The following LY75 variants were observed in gnomAD, a reference collection of about 807,000 sequenced individuals.
LY75 encodes C-type lectin domain family 13 member B.
In LY75, 185 loss-of-function variants were observed where a neutral mutation model predicts 231.7. The ratio of observed to expected loss-of-function variants is 0.80; its 90% CI spans 0.71 to 0.90. The LOEUF (loss-of-function observed/expected upper bound fraction) is 0.90, where lower values mean the gene tolerates loss of function less well. Among genes scored for constraint, LY75 ranks in the 40% least tolerant of loss-of-function variants. The pLI is 0.00. For synonymous variants in LY75, 668 were observed against 689.0 expected, an observed-to-expected ratio of 0.97 and a Z score of 0.48; for missense variants, 1,947 against 2,050.2, an observed-to-expected ratio of 0.95 and a Z score of 0.97.
chr2:159,878,807 C>T (rs539499527), intron 9 of LY75, 86 bp from the exon 10 acceptor site: 205 of 1,418,366 alleles, frequency 1.4e-4, no homozygotes, highest in Middle Eastern at 5.6e-4. Context: ...ACATTGATAA[C>T]GTCTTAGAAC....
Position 159,835,631 on chromosome 2 carries a change from A to G in LY75, c.3522T>C (p.Phe1174=), listed in dbSNP as rs752886198. The stretch of plus-strand genomic sequence containing the variant: ...GAAGACGTTTCCCATCTGACCAACC[A>G]AAGTTGAGTTCATCCTGTAAGGAGC... The part of the protein sequence containing the change: ...GLFSQDDELN[F]GWSDGKRLHF... Residue 1174 remains phenylalanine (F), a synonymous_variant, in exon 26 of 35, where the codon TTT becomes TTC. Coordinates refer to ENST00000263636, the MANE Select transcript of LY75 (RefSeq NM_002349.4). 7 of 1,613,574 alleles carry G rather than the reference A, an allele frequency of 4.3e-6. No homozygotes were observed. The highest frequency in any genetic ancestry group is 5.9e-6 in the Non-Finnish European group (7 of 1,179,768).
chr2:159,878,505 G>A lies in LY75; in HGVS notation c.1605-12C>T, dbSNP rs1560096767. On this transcript the variant is annotated splice_polypyrimidine_tract_variant and intron_variant, in intron 10 of 34. Transcript: ENST00000263636. ...ATTCTTGCTCAAATCTACAAAAGGAGAATCAAATTGGCAAGTGTTTCACAA... is the reference window on the plus strand; with the variant it reads ...ATTCTTGCTCAAATCTACAAAAGGAAAATCAAATTGGCAAGTGTTTCACAA... 4 of 1,613,182 alleles carry A rather than the reference G, an allele frequency of 2.5e-6. No individual in the cohort carries two copies. The Admixed American group carries it at 5.0e-5, about 20-fold the overall frequency.
At chr2:159,853,573 G>A (rs1684466560) in intron 19 of LY75, 57 bp downstream of exon 19, 3 of 1,607,988 alleles carry the variant, frequency 1.9e-6, no homozygotes, top group African/African-American at 2.7e-5. Flanking sequence ...TTTAGTAAAA[G>A]GAACTGCTTC....
chr2:159,865,853 A>G (rs1452313090), intron 13 of LY75, among the ~76,000 whole-genome samples: 1 of 152,178 alleles, frequency 6.6e-6, no homozygotes, highest in African/African-American at 2.4e-5. Flanking sequence ...AGGCAGGAAC[A>G]TATGTCTAAG....
intron 13 of LY75, among the ~76,000 whole-genome samples, chr2:159,869,904 G>T (rs79146382): frequency 0.043 from 6,592 of 152,280 alleles, 179 homozygotes; most frequent in Non-Finnish European, 0.069. Flanking sequence ...TGAGGGAATA[G>T]CTAACACTCA....
chr2:159,855,587 G>A (rs147548741), intron 16 of LY75, among the ~76,000 whole-genome samples: 3 of 152,278 alleles, frequency 2.0e-5, no homozygotes, highest in Admixed American at 6.5e-5. Context: ...GTGTGCAAAT[G>A]CCCTTATGCA....
intron 3 of LY75, 146 bp downstream of exon 3, chr2:159,893,768 C>T: frequency 8.4e-7 from 1 of 1,196,152 alleles, no homozygotes. Context: ...CTACACATTA[C>T]CTCTCTCTTC....
At chr2:159,874,545 G>GTAAATATATATAAAGA (rs1560093626) in intron 12 of LY75, among the ~76,000 whole-genome samples, 2 of 11,364 alleles carry the variant, frequency 1.8e-4, no homozygotes, top group Non-Finnish European at 4.2e-4. Flanking sequence ...ATATAAATAT[G>GTAAATATATATAAAGA]TACATATTTT....
chr2:159,812,789 T>A (rs1008991216), intron 31 of LY75, among the ~76,000 whole-genome samples: 1 of 152,146 alleles, frequency 6.6e-6, no homozygotes, highest in Non-Finnish European at 1.5e-5. Context: ...ACCACCCATC[T>A]CTAAAATTTT....
chr2:159,823,764 T>C (rs1574530873), intron 28 of LY75, among the ~76,000 whole-genome samples: 1 of 152,210 alleles, frequency 6.6e-6, no homozygotes, highest in Non-Finnish European at 1.5e-5. Context: ...GCAGAAACTT[T>C]ACAAGCCAGA....
At chr2:159,894,230 G>T (rs1231030768) in intron 2 of LY75, 146 bp from the exon 3 acceptor site, 3 of 1,021,426 alleles carry the variant, frequency 2.9e-6, no homozygotes, top group Non-Finnish European at 4.1e-6. Flanking sequence ...GTGCTGTCAG[G>T]TCTGGATATG....
rs991002946 is a variant in LY75, at chr2:159,860,949, A to T, written c.2200-60T>A. 10 of 1,602,620 alleles carry T rather than the reference A, an allele frequency of 6.2e-6. No individual in the cohort carries two copies. In the African/African-American group the frequency reaches 1.2e-4, roughly 19 times the overall value. On this transcript the variant is annotated intron_variant, in intron 14 of 34. Transcript: ENST00000263636. ...TGATGTATAAATATTTGCAATTTAGATGTAATTTAGGCAGCCTTAATCACT... is the reference window on the plus strand; with the variant it reads ...TGATGTATAAATATTTGCAATTTAGTTGTAATTTAGGCAGCCTTAATCACT...
At position 159,904,702 on chromosome 2, in the gene LY75, T is replaced by C; in HGVS notation, c.-20A>G. 2 of 1,408,382 alleles carry C rather than the reference T, an allele frequency of 1.4e-6. No individual in the cohort carries two copies. The highest frequency in any genetic ancestry group is 1.8e-6 in the Non-Finnish European group (2 of 1,088,890). The allele number at this position is 1,408,382 out of a possible 1,614,324, so 87.2% of individuals were successfully genotyped here. A position where few individuals can be genotyped will look rare whatever the true frequency, so the allele number is the denominator to read the frequency against. On this transcript the variant is annotated 5_prime_UTR_variant, in exon 1 of 35. Coordinates refer to ENST00000263636, the MANE Select transcript of LY75 (RefSeq NM_002349.4). ...CCTCATCCTGAGCTGGCGCAAGCCT[T>C]CCGGCCGGGTCCTCGGGCGCACGCG... is the stretch of plus-strand genomic sequence containing the variant.
At chr2:159,861,618 T>C (rs1461111839) in intron 14 of LY75, among the ~76,000 whole-genome samples, 2 of 150,816 alleles carry the variant, frequency 1.3e-5, no homozygotes, top group Admixed American at 6.6e-5. Context: ...TGTGGTGGCA[T>C]GTGCCTGTAC....
At chr2:159,819,510 G>A (rs1306235148) in intron 29 of LY75, among the ~76,000 whole-genome samples, 1 of 151,942 alleles carries the variant, frequency 6.6e-6, no homozygotes, top group Non-Finnish European at 1.5e-5. Flanking sequence ...CAATGATAAG[G>A]AATTTAATGC....
chr2:159,832,089 G>C (rs1222819390), intron 27 of LY75, among the ~76,000 whole-genome samples: 3 of 152,068 alleles, frequency 2.0e-5, no homozygotes, highest in Non-Finnish European at 4.4e-5. Context: ...TTTTCAGTTG[G>C]TATAAATCCA....
chr2:159,858,571 G>A (rs554732075), intron 15 of LY75, 95 bp from the exon 16 acceptor site: 2 of 1,328,816 alleles, frequency 1.5e-6, no homozygotes, highest in African/African-American at 1.5e-5. Flanking sequence ...CTCTATTTTA[G>A]CTCTAGCACC....
chr2:159,880,621 C>T (rs1685406292), intron 8 of LY75, among the ~76,000 whole-genome samples: 1 of 152,162 alleles, frequency 6.6e-6, no homozygotes, highest in South Asian at 2.1e-4. Context: ...TTAGTAATTG[C>T]TTTTATTTAC....
At chr2:159,856,280 G>C (rs2125857719) in intron 16 of LY75, among the ~76,000 whole-genome samples, 1 of 152,234 alleles carries the variant, frequency 6.6e-6, no homozygotes, top group Admixed American at 6.5e-5. Flanking sequence ...TTTTGACACA[G>C]TTTTCTCAAA....
Sources: gnomAD v4.1 joint callset for allele counts (sites outside exome capture counted in the v4.1 genomes callset) on GRCh38, gnomAD v4.1.1 for gene constraint, MANE v1.5 for transcripts, NCBI Gene and HGNC (gene_info 2026-07-23, HGNC 2026-07-21) for gene names.